ERBB4: variants seen among roughly 807,000 people sequenced by gnomAD.
ERBB4 encodes erb-b2 receptor tyrosine kinase 4.
A neutral mutation model predicts 158.0 loss-of-function variants in ERBB4; 42 were observed. The ratio of observed to expected loss-of-function variants is 0.27; its 90% CI spans 0.21 to 0.34. ERBB4 has a LOEUF of 0.34. ERBB4 is among the 10% of genes least tolerant of loss of function. The probability of loss-of-function intolerance (pLI) is 1.00; values close to 1 mark genes in which losing one functional copy is unlikely to be tolerated. For synonymous variants in ERBB4, 583 were observed against 558.7 expected, an observed-to-expected ratio of 1.04 and a Z score of -0.61; for missense variants, 1,333 against 1,624.1, an observed-to-expected ratio of 0.82 and a Z score of 3.08.
At chr2:211,705,275 A>C in intron 10 of ERBB4, 43 bp downstream of exon 10, 1 of 1,359,364 alleles carries the variant, frequency 7.4e-7, no homozygotes, top group Non-Finnish European at 1.1e-6. Flanking sequence ...TTTTAAAAAA[A>C]TTATATTGTT....
At position 212,108,745 on chromosome 2, in the gene ERBB4, T is replaced by C. The variant is rs569473685; in HGVS notation, c.234+16007A>G. Among the ~76,000 whole-genome samples, 38 of 140,030 alleles carry C rather than the reference T, an allele frequency of 2.7e-4. No homozygotes were observed. The East Asian group carries it at 6.6e-3, about 24-fold the overall frequency. The allele number at this position is 140,030 out of a possible 152,430, so 91.9% of individuals were successfully genotyped here. ...TTTTTTTTTCAGAACCAAAGTATAATTGAATAGCACAGAGCATCTGCTGAG... is the reference window on the plus strand; with the variant it reads ...TTTTTTTTTCAGAACCAAAGTATAACTGAATAGCACAGAGCATCTGCTGAG... On this transcript the variant is annotated intron_variant, in intron 2 of 27. Coordinates refer to ENST00000342788, the MANE Select transcript of ERBB4 (RefSeq NM_005235.3).
intron 1 of ERBB4, among the ~76,000 whole-genome samples, chr2:212,262,502 T>C (rs1014885897): frequency 6.6e-6 from 1 of 152,182 alleles, no homozygotes; most frequent in Admixed American, 6.6e-5. Context: ...CAACTAACTA[T>C]GGTTAAAATA....
At chr2:211,747,405 A>G (rs1297915893) in intron 5 of ERBB4, among the ~76,000 whole-genome samples, 1 of 152,136 alleles carries the variant, frequency 6.6e-6, no homozygotes, top group African/African-American at 2.4e-5. Flanking sequence ...TGGGGCAGAA[A>G]TCACTTCTGG....
intron 22 of ERBB4, among the ~76,000 whole-genome samples, chr2:211,425,277 T>C (rs1010176711): frequency 2.6e-5 from 4 of 152,050 alleles, no homozygotes; most frequent in African/African-American, 9.7e-5. Flanking sequence ...CCATCTGTAA[T>C]GAATTATTTA....
chr2:211,492,543 C>T (rs775787018), intron 20 of ERBB4, among the ~76,000 whole-genome samples: 9 of 151,968 alleles, frequency 5.9e-5, no homozygotes, highest in Non-Finnish European at 1.3e-4. Context: ...CGATGAAAAA[C>T]CTGTGAGGTA....
chr2:211,433,988 A>T (rs1236627800), intron 20 of ERBB4, among the ~76,000 whole-genome samples: 2 of 152,174 alleles, frequency 1.3e-5, no homozygotes. Flanking sequence ...GGCCAGAAGG[A>T]ATACTATAAA....
At chr2:212,071,811 A>C (rs1299937284) in intron 2 of ERBB4, among the ~76,000 whole-genome samples, 1 of 152,010 alleles carries the variant, frequency 6.6e-6, no homozygotes, top group Non-Finnish European at 1.5e-5. Context: ...ATAGCTGGAA[A>C]GATACATCTA....
intron 1 of ERBB4, among the ~76,000 whole-genome samples, chr2:212,214,484 A>G (rs1347167988): frequency 6.6e-6 from 1 of 151,858 alleles, no homozygotes; most frequent in Non-Finnish European, 1.5e-5. Context: ...TTGCAAATTT[A>G]TATTTCCAAG....
chr2:211,453,437 G>A (rs956660150), intron 20 of ERBB4, among the ~76,000 whole-genome samples: 1 of 152,028 alleles, frequency 6.6e-6, no homozygotes, highest in African/African-American at 2.4e-5. Context: ...TTTTTTTGAT[G>A]TTCCTCTTTT....
intron 3 of ERBB4, among the ~76,000 whole-genome samples, chr2:211,788,469 TTA>T (rs1258770107): frequency 6.6e-6 from 1 of 152,098 alleles, no homozygotes; most frequent in Non-Finnish European, 1.5e-5. Flanking sequence ...AAATAATATT[TTA>T]TATAATATTT....
chr2:212,470,717 C>G (rs1220480209), intron 1 of ERBB4, among the ~76,000 whole-genome samples: 1 of 151,968 alleles, frequency 6.6e-6, no homozygotes, highest in Non-Finnish European at 1.5e-5. Context: ...TGTCTTTGCC[C>G]GTTATTAGCT....
chr2:211,394,975 T>C (rs1005046536), intron 25 of ERBB4, among the ~76,000 whole-genome samples: 1 of 152,098 alleles, frequency 6.6e-6, no homozygotes, highest in Admixed American at 6.5e-5. Context: ...AATAGGGGTA[T>C]AGGACAAGTA....
intron 1 of ERBB4, among the ~76,000 whole-genome samples, chr2:212,390,116 A>G (rs2106434869): frequency 6.6e-6 from 1 of 152,016 alleles, no homozygotes; most frequent in East Asian, 1.9e-4. Flanking sequence ...GCTGAAATGC[A>G]AAATCTTAAA....
At chr2:212,512,129 G>T (rs957485890) in intron 1 of ERBB4, among the ~76,000 whole-genome samples, 2 of 152,096 alleles carry the variant, frequency 1.3e-5, no homozygotes, top group African/African-American at 4.8e-5. Context: ...AGGGATGGGG[G>T]ACAATTGAAT....
intron 2 of ERBB4, among the ~76,000 whole-genome samples, chr2:212,044,951 G>T (rs551425609): frequency 6.6e-6 from 1 of 151,922 alleles, no homozygotes; most frequent in African/African-American, 2.4e-5. Context: ...TAGGCTCAAA[G>T]ATCTAATGAG....
chr2:212,369,832 C>G (rs2090024246), intron 1 of ERBB4, among the ~76,000 whole-genome samples: 1 of 152,092 alleles, frequency 6.6e-6, no homozygotes, highest in African/African-American at 2.4e-5. Context: ...GCTAGGATTA[C>G]AGGCATGAGC....
chr2:212,382,429 TTATAA>T (rs1384743589), intron 1 of ERBB4, among the ~76,000 whole-genome samples: 2 of 150,974 alleles, frequency 1.3e-5, no homozygotes, highest in African/African-American at 2.4e-5. Flanking sequence ...TAAAACAACT[TTATAA>T]TATGACAATA....
At chr2:212,218,584 G>A (rs542722756) in intron 1 of ERBB4, among the ~76,000 whole-genome samples, 1 of 151,446 alleles carries the variant, frequency 6.6e-6, no homozygotes, top group South Asian at 2.1e-4. Context: ...TAGTCAACCA[G>A]CTAATTGCCT....
chr2:211,804,602 T>A (rs772409741), intron 3 of ERBB4, among the ~76,000 whole-genome samples: 5 of 152,196 alleles, frequency 3.3e-5, no homozygotes, highest in African/African-American at 4.8e-5. Flanking sequence ...AGAAGTTGGG[T>A]GCAGGGAAAA....
Sources: gnomAD v4.1 joint callset for allele counts (sites outside exome capture counted in the v4.1 genomes callset) on GRCh38, gnomAD v4.1.1 for gene constraint, MANE v1.5 for transcripts, NCBI Gene and HGNC (gene_info 2026-07-23, HGNC 2026-07-21) for gene names.